INPP5F: variants seen among roughly 807,000 people sequenced by gnomAD.
INPP5F encodes the protein phosphatidylinositide 4-phosphatase SAC2.
Under a neutral mutation model 137.2 loss-of-function variants are expected in INPP5F, and 97 were observed. The observed-to-expected ratio is 0.71, with a 90% CI of 0.60 to 0.84. The LOEUF (loss-of-function observed/expected upper bound fraction) is 0.84, where lower values mean the gene tolerates loss of function less well. Ranked by LOEUF, INPP5F falls within the 40% of genes least tolerant of loss-of-function variation. The pLI is 0.00. For synonymous variants in INPP5F, 504 were observed against 476.9 expected (o/e 1.06, Z -0.74); for missense variants, 1,271 against 1,371.9 (o/e 0.93, Z 1.16).
intron 6 of INPP5F, 64 bp from the exon 7 acceptor site, chr10:119,796,651 T>G: frequency 8.4e-7 from 1 of 1,195,984 alleles, no homozygotes; most frequent in African/African-American, 1.5e-5. Context: ...GACTACTGTT[T>G]GGGTTTAAGA....
At chr10:119,727,484 G>GT (rs1847927254) in intron 1 of INPP5F, among the ~76,000 whole-genome samples, 2 of 152,210 alleles carry the variant, frequency 1.3e-5, no homozygotes, top group Non-Finnish European at 2.9e-5. Context: ...GGAGAAAGGA[G>GT]TGAGAGGTTA....
At position 119,791,557 on chromosome 10, in the gene INPP5F, A is replaced by C. The variant is rs1222182334; in HGVS notation, c.356A>C (p.Lys119Thr). Residue 119 changes from lysine to threonine, a missense_variant, in exon 4 of 20, where the codon AAG (lysine) becomes ACG (threonine). Transcript: ENST00000650623. ...CATTTTGGTATTAACAAACCAGAGA[A>C]GATCATACCATCTCCTGATGACTCA... ...KHHFGINKPEKIIPSPDDSKF... is the reference protein window; with the variant it reads ...KHHFGINKPETIIPSPDDSKF... 1.4e-5 allele frequency: 23 copies of C among 1,602,558 alleles called. No homozygotes were observed. The highest frequency in any genetic ancestry group is 2.0e-5 in the Non-Finnish European group (23 of 1,170,454).
intron 1 of INPP5F, among the ~76,000 whole-genome samples, chr10:119,736,129 T>C (rs1025138019): frequency 6.6e-5 from 10 of 152,164 alleles, no homozygotes; most frequent in Non-Finnish European, 1.2e-4. Context: ...AAAAGACAGT[T>C]TTGGGGACAG....
At chr10:119,731,476 C>G (rs1400788272) in intron 1 of INPP5F, among the ~76,000 whole-genome samples, 2 of 152,092 alleles carry the variant, frequency 1.3e-5, no homozygotes, top group African/African-American at 2.4e-5. Flanking sequence ...CCAGCCTAGC[C>G]AACATGGTAA....
At chr10:119,768,608 T>C (rs540295717) in intron 2 of INPP5F, 3 of 152,354 alleles carry the variant, frequency 2.0e-5, no homozygotes, top group East Asian at 1.9e-4. Flanking sequence ...CAAGTCATAA[T>C]TGCACAACCG....
At chr10:119,753,848 A>G (rs1486872356) in intron 2 of INPP5F, among the ~76,000 whole-genome samples, 1 of 152,164 alleles carries the variant, frequency 6.6e-6, no homozygotes, top group African/African-American at 2.4e-5. Flanking sequence ...GCAAAAAAAC[A>G]CACTTTTTAA....
Position 119,827,621 on chromosome 10 carries a change from G to C in INPP5F, c.3240G>C (p.Gln1080His), listed in dbSNP as rs777806870. ...PFAKIRSSMV[Q>H]VASITQAGLT... The stretch of plus-strand genomic sequence containing the variant: ...CCAAGATTCGAAGTTCCATGGTCCA[G>C]GTTGCTAGTATTACCCAAGCTGGAT... Residue 1080 changes from glutamine (Q) to histidine (H), a missense_variant, in exon 20 of 20, where the codon CAG (glutamine) becomes CAC (histidine). Gln to His is a conservative substitution (Grantham distance 24, BLOSUM62 0). Transcript: ENST00000650623. 6.2e-7 allele frequency: 1 copy of C among 1,614,172 alleles called. No homozygotes were observed. The highest frequency in any genetic ancestry group is 8.5e-7 in the Non-Finnish European group (1 of 1,180,034).
chr10:119,761,289 A>G (rs1056047143), intron 2 of INPP5F, among the ~76,000 whole-genome samples: 14 of 152,334 alleles, frequency 9.2e-5, no homozygotes, highest in Admixed American at 3.9e-4. Context: ...ATAAACCGAG[A>G]CTTAGGAAAC....
rs189854365 is a variant in INPP5F at position 119,797,522 on chromosome 10, T to A, written c.930T>A (p.Thr310=). The change falls in exon 8 of 20, where the codon ACT becomes ACA. Residue 310 remains threonine, a synonymous_variant. Transcript: ENST00000650623. ...KNGNVANYVE[T]EQLIHVHNHT... ...GAAATGTTGCCAATTATGTGGAGAC[T>A]GAGCAGTTGATTCATGTTCATAATC... 4.4e-5 allele frequency: 71 copies of A among 1,612,786 alleles called. No homozygotes were observed. In the South Asian group the frequency reaches 7.5e-4, roughly 17 times the overall value.
intron 2 of INPP5F, among the ~76,000 whole-genome samples, chr10:119,779,175 T>C (rs890246785): frequency 2.6e-5 from 4 of 152,076 alleles, no homozygotes; most frequent in Non-Finnish European, 5.9e-5. Context: ...CATCTAAACA[T>C]AGAAATGGTA....
At chr10:119,789,208 A>G (rs960464976) in intron 3 of INPP5F, among the ~76,000 whole-genome samples, 1 of 151,378 alleles carries the variant, frequency 6.6e-6, no homozygotes, top group Non-Finnish European at 1.5e-5. Flanking sequence ...CTGGGCAACA[A>G]GAGCGAAACT....
At chr10:119,771,953 T>A (rs2134163112) in intron 2 of INPP5F, among the ~76,000 whole-genome samples, 1 of 129,044 alleles carries the variant, frequency 7.7e-6, no homozygotes, top group African/African-American at 2.9e-5. Flanking sequence ...TGGAGTGCAG[T>A]GGCGCGATCT....
In INPP5F at chr10:119,821,864, CTTTTTT is replaced by C. The variant is rs11347174; in HGVS notation, c.1959-551_1959-546del. ...TTAAAATATTTTAACCTTGTAGTTG[CTTTTTT>C]TTTTTTTTTTTTTTTGAGATGGAGT... On this transcript the variant is annotated intron_variant, in intron 16 of 19. Transcript: ENST00000650623. 5.7e-3 allele frequency among the ~76,000 whole-genome samples: 506 copies of C among 88,158 alleles called. 4 individuals carry two copies. Among genetic ancestry groups the C allele is most frequent in the African/African-American group, 0.02 (466 of 22,784 alleles). 57.8% of individuals were successfully genotyped at this position (88,158 alleles called of 152,430 possible).
Position 119,823,983 on chromosome 10 carries a change from GGGA to G in INPP5F, c.2249+86_2249+88del, listed in dbSNP as rs1851666980. The G allele has an allele frequency of 1.1e-5, 11 of 1,021,314 alleles. No individual in the cohort carries two copies. In the South Asian group the frequency reaches 1.4e-4, roughly 13 times the overall value. 63.3% of individuals were successfully genotyped at this position (1,021,314 alleles called of 1,614,324 possible). A position where few individuals can be genotyped will look rare whatever the true frequency, so the allele number is the denominator to read the frequency against. The stretch of plus-strand genomic sequence containing the variant: ...TTTAAAATTATTTGCAGGGGGAAAG[GGGA>G]GGAGATCACATTATGGTAAGGTGTT... On this transcript the variant is annotated intron_variant, in intron 19 of 19. Transcript: ENST00000650623.
intron 6 of INPP5F, among the ~76,000 whole-genome samples, chr10:119,796,442 C>T (rs1451674531): frequency 6.6e-6 from 1 of 152,154 alleles, no homozygotes; most frequent in Non-Finnish European, 1.5e-5. Context: ...ACAGCGACGG[C>T]AAGGGTGACT....
At chr10:119,764,674 C>T (rs918183310) in intron 2 of INPP5F, among the ~76,000 whole-genome samples, 8 of 151,032 alleles carry the variant, frequency 5.3e-5, no homozygotes, top group Non-Finnish European at 7.4e-5. Flanking sequence ...CTCCGCCTCC[C>T]GGGTTCAAGC....
rs1331272683 is a variant in INPP5F at position 119,828,737 on chromosome 10, G to GT, written c.*958dup. The GT allele has an allele frequency of 2.0e-5, 3 of 152,246 alleles. No homozygotes were observed. Among genetic ancestry groups the GT allele is most frequent in the Non-Finnish European group, 2.9e-5 (2 of 68,082 alleles). 9.4% of individuals were successfully genotyped at this position (152,246 alleles called of 1,614,324 possible). ...TAGCTGGGCATAGTGGTGCATGCCT[G>GT]TGTTTCTAGCTACGCAGGAGGATTG... On this transcript the variant is annotated 3_prime_UTR_variant, in exon 20 of 20. Coordinates refer to ENST00000650623, the MANE Select transcript of INPP5F (RefSeq NM_014937.4).
chr10:119,759,258 C>T (rs1016077728), intron 2 of INPP5F, among the ~76,000 whole-genome samples: 1 of 152,162 alleles, frequency 6.6e-6, no homozygotes, highest in African/African-American at 2.4e-5. Flanking sequence ...TGGGCTCAAG[C>T]AGTCTACCTG....
chr10:119,776,840 T>C (rs1269133986), intron 2 of INPP5F, among the ~76,000 whole-genome samples: 1 of 152,066 alleles, frequency 6.6e-6, no homozygotes, highest in Non-Finnish European at 1.5e-5. Flanking sequence ...AGCCTTGAAC[T>C]CCTGGGCTCA....
Sources: gnomAD v4.1 joint callset for allele counts (sites outside exome capture counted in the v4.1 genomes callset) on GRCh38, gnomAD v4.1.1 for gene constraint, MANE v1.5 for transcripts, NCBI Gene and HGNC (gene_info 2026-07-23, HGNC 2026-07-21) for gene names.